Variants in LRRC4C observed in about 807,000 individuals in gnomAD.
LRRC4C encodes the protein leucine rich repeat containing 4C, also known as leucine-rich repeat-containing protein 4C.
A neutral mutation model predicts 33.6 loss-of-function variants in LRRC4C; 5 were observed. The ratio of observed to expected loss-of-function variants is 0.15; its 90% confidence interval spans 0.08 to 0.31. The LOEUF is 0.31. Among genes scored for constraint, LRRC4C ranks in the 10% least tolerant of loss-of-function variants. The pLI is 1.00. For synonymous variants in LRRC4C, 329 were observed against 302.0 expected, an observed-to-expected ratio of 1.09 and a Z score of -0.93; for missense variants, 560 against 796.7, an observed-to-expected ratio of 0.70 and a Z score of 3.58.
chr11:40,273,994 T>C (rs1410186890), intron 4 of LRRC4C, among the ~76,000 whole-genome samples: 1 of 152,056 alleles, frequency 6.6e-6, no homozygotes, highest in African/African-American at 2.4e-5. Context: ...ATAGGGCATT[T>C]GACATTAAAA....
rs180748600 is a variant in LRRC4C, at chr11:41,074,364, T to A, written c.-495-140641A>T. Among the ~76,000 whole-genome samples, 567 of 152,282 alleles carry A rather than the reference T, an allele frequency of 3.7e-3. 1 individual carries two copies. Among genetic ancestry groups the A allele is most frequent in the Non-Finnish European group, 5.8e-3 (392 of 68,020 alleles). The stretch of plus-strand genomic sequence containing the variant: ...AGATATTCCTTACTCTATAATGAAA[T>A]CATTTGCCTTGCCATTCTGTGTCAG... On this transcript the variant is annotated intron_variant, in intron 1 of 6. Coordinates refer to ENST00000528697, the MANE Select transcript of LRRC4C (RefSeq NM_001258419.2).
At chr11:41,014,821 G>A (rs1009826699) in intron 1 of LRRC4C, among the ~76,000 whole-genome samples, 1 of 152,010 alleles carries the variant, frequency 6.6e-6, no homozygotes, top group Non-Finnish European at 1.5e-5. Context: ...AGAAGTCCTG[G>A]GGTAATGAAT....
chr11:40,752,736 G>C (rs1948754333), intron 2 of LRRC4C, among the ~76,000 whole-genome samples: 1 of 151,880 alleles, frequency 6.6e-6, no homozygotes, highest in Non-Finnish European at 1.5e-5. Flanking sequence ...AACTAAAATA[G>C]AACTACCATA....
At chr11:41,360,448 G>T (rs1486216571) in intron 1 of LRRC4C, among the ~76,000 whole-genome samples, 3 of 151,796 alleles carry the variant, frequency 2.0e-5, no homozygotes, top group Non-Finnish European at 4.4e-5. Context: ...ATATTGTGAA[G>T]GAAACATATC....
intron 1 of LRRC4C, among the ~76,000 whole-genome samples, chr11:41,224,770 G>A (rs898253295): frequency 1.2e-4 from 19 of 152,018 alleles, no homozygotes; most frequent in Non-Finnish European, 2.4e-4. Context: ...AATCATATAA[G>A]GTATTCAAAA....
chr11:41,162,112 T>G (rs777615425), intron 1 of LRRC4C, among the ~76,000 whole-genome samples: 46 of 152,116 alleles, frequency 3.0e-4, no homozygotes, highest in Non-Finnish European at 5.7e-4. Flanking sequence ...AAATACAATA[T>G]TTCTTCTTTT....
chr11:40,821,829 T>C (rs1261472577), intron 2 of LRRC4C, among the ~76,000 whole-genome samples: 2 of 151,698 alleles, frequency 1.3e-5, no homozygotes, highest in Admixed American at 6.6e-5. Flanking sequence ...TAAAACCTGG[T>C]AATATCTCAA....
chr11:41,071,027 A>G (rs1361593214), intron 1 of LRRC4C, among the ~76,000 whole-genome samples: 2 of 152,216 alleles, frequency 1.3e-5, no homozygotes, highest in Non-Finnish European at 2.9e-5. Context: ...GTTAGACCAG[A>G]TAAAGAAAAT....
At chr11:40,300,714 T>C (rs1042129806) in intron 4 of LRRC4C, among the ~76,000 whole-genome samples, 2 of 152,210 alleles carry the variant, frequency 1.3e-5, no homozygotes, top group South Asian at 4.1e-4. Flanking sequence ...ACAATCCTAA[T>C]ACAATGCCTA....
chr11:40,676,830 A>G (rs896623003), intron 2 of LRRC4C, among the ~76,000 whole-genome samples: 9 of 152,154 alleles, frequency 5.9e-5, no homozygotes, highest in Non-Finnish European at 1.0e-4. Context: ...AATAATACCA[A>G]TCCTGTGCCT....
At chr11:40,122,939 A>G (rs925735287) in intron 6 of LRRC4C, among the ~76,000 whole-genome samples, 5 of 131,528 alleles carry the variant, frequency 3.8e-5, no homozygotes, top group Non-Finnish European at 6.3e-5. Context: ...GTGTATGTGT[A>G]TATATATATT....
At chr11:40,170,887 A>G (rs1859990812) in intron 5 of LRRC4C, among the ~76,000 whole-genome samples, 1 of 152,222 alleles carries the variant, frequency 6.6e-6, no homozygotes, top group Non-Finnish European at 1.5e-5. Flanking sequence ...TTGGGAGACT[A>G]CACGTTAAAG....
intron 1 of LRRC4C, among the ~76,000 whole-genome samples, chr11:41,175,643 T>C (rs1221407910): frequency 1.3e-5 from 2 of 152,142 alleles, no homozygotes; most frequent in Non-Finnish European, 2.9e-5. Flanking sequence ...AATTCAACCT[T>C]ACTATATGCT....
At chr11:41,315,881 A>G (rs1435491814) in intron 1 of LRRC4C, among the ~76,000 whole-genome samples, 1 of 152,210 alleles carries the variant, frequency 6.6e-6, no homozygotes, top group Non-Finnish European at 1.5e-5. Flanking sequence ...TAGATGTACA[A>G]AGGAGCTGGA....
At chr11:40,899,145 C>G (rs1373137974) in intron 2 of LRRC4C, among the ~76,000 whole-genome samples, 1 of 151,528 alleles carries the variant, frequency 6.6e-6, no homozygotes, top group Non-Finnish European at 1.5e-5. Context: ...TCAACTCATT[C>G]CAAGTATTGC....
chr11:41,188,186 C>A (rs981479098), intron 1 of LRRC4C, among the ~76,000 whole-genome samples: 1 of 152,016 alleles, frequency 6.6e-6, no homozygotes, highest in Non-Finnish European at 1.5e-5. Flanking sequence ...CTTCTTACTT[C>A]TTTACCAGGA....
At chr11:40,826,965 AC>A (rs1454538134) in intron 2 of LRRC4C, among the ~76,000 whole-genome samples, 2 of 152,028 alleles carry the variant, frequency 1.3e-5, no homozygotes, top group Non-Finnish European at 2.9e-5. Flanking sequence ...CTTTGAAAAC[AC>A]TACAAATTCC....
At chr11:40,523,578 A>G (rs1955913761) in intron 3 of LRRC4C, among the ~76,000 whole-genome samples, 1 of 148,644 alleles carries the variant, frequency 6.7e-6, no homozygotes, top group South Asian at 2.1e-4. Context: ...TGTAAAATAT[A>G]GATTTATATA....
intron 3 of LRRC4C, among the ~76,000 whole-genome samples, chr11:40,478,801 T>C (rs1382719390): frequency 6.6e-6 from 1 of 152,180 alleles, no homozygotes; most frequent in Non-Finnish European, 1.5e-5. Context: ...TTCTTCCTCC[T>C]CACTGTAATA....
Sources: gnomAD v4.1 joint callset for allele counts (sites outside exome capture counted in the v4.1 genomes callset) on GRCh38, gnomAD v4.1.1 for gene constraint, MANE v1.5 for transcripts, NCBI Gene and HGNC (gene_info 2026-07-23, HGNC 2026-07-21) for gene names.